CERS6: variants seen among roughly 807,000 people sequenced by gnomAD.
CERS6 encodes the protein LAG1 homolog, ceramide synthase 6.
Under a neutral mutation model 56.8 loss-of-function variants are expected in CERS6, and 26 were observed. The observed-to-expected ratio is 0.46, with a 90% confidence interval of 0.34 to 0.63. The LOEUF (loss-of-function observed/expected upper bound fraction) is 0.63, where lower values mean the gene tolerates loss of function less well. CERS6 is among the 30% of genes least tolerant of loss of function. The probability of loss-of-function intolerance (pLI) is 0.01; values close to 1 mark genes in which losing one functional copy is unlikely to be tolerated. For missense variants in CERS6, 415 were observed against 467.5 expected (o/e 0.89, Z 1.04); for synonymous variants, 164 against 173.3 (o/e 0.95, Z 0.42).
intron 4 of CERS6, among the ~76,000 whole-genome samples, chr2:168,669,477 C>G (rs994758459): frequency 6.6e-6 from 1 of 152,040 alleles, no homozygotes; most frequent in African/African-American, 2.4e-5. Flanking sequence ...TGTTGGGGTT[C>G]TATAATTATG....
chr2:168,552,349 TACACACACACACACACACACACACACAC>T (rs56340726), intron 2 of CERS6, among the ~76,000 whole-genome samples: 1 of 140,002 alleles, frequency 7.1e-6, no homozygotes, highest in Non-Finnish European at 1.5e-5. Context: ...ATACAGAGTA[TACACACACACACACACACACACACACAC>T]ACACACACAC....
intron 1 of CERS6, among the ~76,000 whole-genome samples, chr2:168,470,705 A>G (rs1440744571): frequency 6.6e-6 from 1 of 151,208 alleles, no homozygotes; most frequent in East Asian, 2.0e-4. Context: ...GACTAGGGAG[A>G]GAACAAAAAC....
chr2:168,614,978 C>A (rs1027109233), intron 3 of CERS6, among the ~76,000 whole-genome samples: 5 of 152,114 alleles, frequency 3.3e-5, no homozygotes, highest in African/African-American at 9.7e-5. Context: ...TTTCACCCCC[C>A]CTGCCACCTC....
chr2:168,745,322 A>G (rs1392509897), intron 8 of CERS6, among the ~76,000 whole-genome samples: 2 of 151,976 alleles, frequency 1.3e-5, no homozygotes, highest in Admixed American at 6.5e-5. Context: ...GCTCACTGCA[A>G]GGTCCGCCTC....
chr2:168,530,496 A>G (rs1212884985), intron 1 of CERS6, among the ~76,000 whole-genome samples: 1 of 152,224 alleles, frequency 6.6e-6, no homozygotes, highest in Non-Finnish European at 1.5e-5. Flanking sequence ...ATACCATGCA[A>G]TTGTTCTTCT....
intron 4 of CERS6, among the ~76,000 whole-genome samples, chr2:168,664,248 C>T (rs923628807): frequency 2.2e-4 from 34 of 152,156 alleles, no homozygotes; most frequent in African/African-American, 8.2e-4. Flanking sequence ...GGGTAGTCTC[C>T]TCAGAGGCAA....
chr2:168,511,747 T>G (rs943838943), intron 1 of CERS6, among the ~76,000 whole-genome samples: 5 of 152,228 alleles, frequency 3.3e-5, no homozygotes, highest in Non-Finnish European at 7.3e-5. Flanking sequence ...TTTAAAAAAT[T>G]TGGAGTATAA....
chr2:168,503,394 G>A (rs1159794395), intron 1 of CERS6, among the ~76,000 whole-genome samples: 1 of 152,180 alleles, frequency 6.6e-6, no homozygotes, highest in Non-Finnish European at 1.5e-5. Context: ...GAGGGTTAAG[G>A]AGGCTGCAAC....
In CERS6 at chr2:168,607,484, C is replaced by T. The variant is rs185918973; in HGVS notation, c.408-23501C>T. 4.6e-5 allele frequency among the ~76,000 whole-genome samples: 7 copies of T among 152,252 alleles called. No individual in the cohort carries two copies. In the East Asian group the frequency reaches 9.7e-4, roughly 21 times the overall value. ...GCAACCTCCAACTCCCTGGTTCAAG[C>T]GATTCTCCTGCCTCAGCCTCCCAAG... is the stretch of plus-strand genomic sequence containing the variant. On this transcript the variant is annotated intron_variant, in intron 3 of 9. Coordinates refer to ENST00000305747, the MANE Select transcript of CERS6 (RefSeq NM_203463.3).
intron 4 of CERS6, among the ~76,000 whole-genome samples, chr2:168,682,331 C>T (rs568987743): frequency 1.3e-5 from 2 of 152,024 alleles, no homozygotes; most frequent in South Asian, 2.1e-4. Context: ...ATAAAAATCC[C>T]CTGAAATAAT....
At chr2:168,666,930 T>G (rs1307960257) in intron 4 of CERS6, among the ~76,000 whole-genome samples, 1 of 152,210 alleles carries the variant, frequency 6.6e-6, no homozygotes, top group Non-Finnish European at 1.5e-5. Flanking sequence ...ATATTAATAA[T>G]GCATATCTTG....
In CERS6 at chr2:168,772,989, C is replaced by T. The variant is rs1684905606; in HGVS notation, c.*3327C>T. 1 of 152,258 alleles carries T rather than the reference C, an allele frequency of 6.6e-6. No individual in the cohort carries two copies. Among genetic ancestry groups the T allele is most frequent in the Non-Finnish European group, 1.5e-5 (1 of 68,030 alleles). 9.4% of individuals were successfully genotyped at this position (152,258 alleles called of 1,614,324 possible). ...TTGGTGGAGTTTGAATTTGAGCAAA[C>T]TAAATGCCTTCATCTTAGGTAGAAA... On this transcript the variant is annotated 3_prime_UTR_variant, in exon 10 of 10. Transcript: ENST00000305747.
chr2:168,583,717 G>A (rs1171936213), intron 3 of CERS6, among the ~76,000 whole-genome samples: 1 of 152,164 alleles, frequency 6.6e-6, no homozygotes, highest in Non-Finnish European at 1.5e-5. Context: ...TAGTTGAAAG[G>A]CTACAGGGTC....
intron 4 of CERS6, among the ~76,000 whole-genome samples, chr2:168,663,201 G>A (rs1269641649): frequency 6.6e-6 from 1 of 151,964 alleles, no homozygotes; most frequent in African/African-American, 2.4e-5. Flanking sequence ...CACAGTGTAT[G>A]TATTTTTTTC....
intron 1 of CERS6, among the ~76,000 whole-genome samples, chr2:168,534,555 G>C (rs12473551): frequency 0.43 from 64,450 of 151,636 alleles, 14,958 homozygotes; most frequent in South Asian, 0.72. Flanking sequence ...CGCGTCGGGA[G>C]ATGTCACTCA....
intron 1 of CERS6, among the ~76,000 whole-genome samples, chr2:168,501,606 T>G (rs1694581796): frequency 6.6e-6 from 1 of 152,078 alleles, no homozygotes; most frequent in Admixed American, 6.6e-5. Flanking sequence ...CTGGTAGGAG[T>G]GGACTGCAGA....
chr2:168,551,293 T>G (rs1353543681), intron 2 of CERS6, among the ~76,000 whole-genome samples: 2 of 152,268 alleles, frequency 1.3e-5, no homozygotes, highest in South Asian at 4.2e-4. Flanking sequence ...GTTGCCTGTC[T>G]CTCTCTCCTC....
In CERS6 at chr2:168,559,733, T is replaced by TTATATATA. The variant is rs61031993; in HGVS notation, c.277-1459_277-1458insTATATATA. On this transcript the variant is annotated intron_variant, in intron 2 of 9. Coordinates refer to ENST00000305747, the MANE Select transcript of CERS6 (RefSeq NM_203463.3). ...TGCTTGAGCTGCTTTTAGAAAGGTA[T>TTATATATA]CATATATATATATATATATATTTCA... 7.2e-3 allele frequency among the ~76,000 whole-genome samples: 476 copies of TTATATATA among 66,274 alleles called. 105 individuals are homozygous for TTATATATA. Among genetic ancestry groups the TTATATATA allele is most frequent in the South Asian group, 0.013 (19 of 1,408 alleles). 43.5% of individuals were successfully genotyped at this position (66,274 alleles called of 152,430 possible). A position where few individuals can be genotyped will look rare whatever the true frequency, so the allele number is the denominator to read the frequency against.
In CERS6 at chr2:168,773,281, G is replaced by C. The variant is rs924027172; in HGVS notation, c.*3619G>C. 3.3e-5 allele frequency: 5 copies of C among 152,104 alleles called. No homozygotes were observed. The highest frequency in any genetic ancestry group is 5.9e-5 in the Non-Finnish European group (4 of 68,016). The allele number at this position is 152,104 out of a possible 1,614,324, so 9.4% of individuals were successfully genotyped here. On this transcript the variant is annotated 3_prime_UTR_variant, in exon 10 of 10. Transcript: ENST00000305747. ...AAAAATTATAAAGAGTAATTCCAAAGGTATTAAAAGATTGTTTAACAGTAT... is the reference window on the plus strand; with the variant it reads ...AAAAATTATAAAGAGTAATTCCAAACGTATTAAAAGATTGTTTAACAGTAT...
Sources: allele counts gnomAD v4.1 joint callset (sites outside exome capture counted in the v4.1 genomes callset), GRCh38; gene constraint gnomAD v4.1.1; transcripts MANE v1.5; gene names NCBI Gene and HGNC (gene_info 2026-07-23, HGNC 2026-07-21).